SNTB2: variants seen among roughly 807,000 people sequenced by gnomAD.
SNTB2 encodes the protein beta-2-syntrophin.
SNTB2 carries 34 observed loss-of-function variants against 46.2 expected under a neutral mutation model. That is an observed-to-expected ratio of 0.74 (90% CI 0.56 to 0.98). The LOEUF (loss-of-function observed/expected upper bound fraction) is 0.98. SNTB2 is among the 50% of genes least tolerant of loss of function. SNTB2 has a pLI of 0.00. For missense variants in SNTB2, 603 were observed against 731.4 expected (o/e 0.82, Z 2.02); for synonymous variants, 290 against 312.6 (o/e 0.93, Z 0.76).
rs930010425 is a variant in SNTB2 at position 69,307,306 on chromosome 16, C to G, written c.*6382C>G. ...ACTGGAAAATGTTTGAAGGGATACT[C>G]AGGCTTTGATCCATGCCAACATGAA... On this transcript the variant is annotated 3_prime_UTR_variant, in exon 7 of 7. Transcript: ENST00000336278. 1 of 152,186 alleles carries G rather than the reference C, an allele frequency of 6.6e-6. No individual in the cohort carries two copies. Among genetic ancestry groups the G allele is most frequent in the Admixed American group, 6.5e-5 (1 of 15,280 alleles). The allele number at this position is 152,186 out of a possible 1,614,324, so 9.4% of individuals were successfully genotyped here. A position where few individuals can be genotyped will look rare whatever the true frequency, so the allele number is the denominator to read the frequency against.
chr16:69,269,495 G>A (rs1181180239), intron 3 of SNTB2, among the ~76,000 whole-genome samples: 3 of 151,794 alleles, frequency 2.0e-5, no homozygotes, highest in African/African-American at 7.3e-5. Context: ...CCAGCTTGGC[G>A]ACAGAGCAAG....
At chr16:69,212,361 A>G (rs1416914662) in intron 1 of SNTB2, among the ~76,000 whole-genome samples, 1 of 146,230 alleles carries the variant, frequency 6.8e-6, no homozygotes, top group African/African-American at 2.5e-5. Flanking sequence ...TTTATTTTTG[A>G]GACAGAGTCT....
intron 4 of SNTB2, among the ~76,000 whole-genome samples, chr16:69,274,553 T>G (rs1386361118): frequency 6.7e-6 from 1 of 149,712 alleles, no homozygotes; most frequent in Non-Finnish European, 1.5e-5. Flanking sequence ...CTAGGGAGGC[T>G]GAGGCAGGAG....
chr16:69,260,354 T>TAGGACCTGGATA, intron 3 of SNTB2, 94 bp downstream of exon 3: 1 of 1,133,074 alleles, frequency 8.8e-7, no homozygotes, highest in Non-Finnish European at 1.3e-6. Context: ...ACCATGCAGT[T>TAGGACCTGGATA]AGGACCTGGA....
rs74841259 is a variant in SNTB2 at position 69,199,772 on chromosome 16, A to G, written c.580+12026A>G. 7.5e-3 allele frequency among the ~76,000 whole-genome samples: 1,147 copies of G among 152,236 alleles called. 11 individuals carry two copies. The highest frequency in any genetic ancestry group is 0.024 in the African/African-American group (990 of 41,520). ...AAGACTCTCATAATGAAGATTTGCA[A>G]TCTTAATGAAAATTGAAAAAAAAGG... is the stretch of plus-strand genomic sequence containing the variant. On this transcript the variant is annotated intron_variant, in intron 1 of 6. Coordinates refer to ENST00000336278, the MANE Select transcript of SNTB2 (RefSeq NM_006750.4).
chr16:69,262,982 A>G (rs554895725), intron 3 of SNTB2, among the ~76,000 whole-genome samples: 1 of 152,112 alleles, frequency 6.6e-6, no homozygotes, highest in Admixed American at 6.5e-5. Context: ...TATAGTCACC[A>G]TACTATGCAA....
Position 69,187,272 on chromosome 16 carries a change from TG to T in SNTB2, c.109del (p.Val37SerfsTer7). On this transcript the variant is annotated frameshift_variant, in exon 1 of 7. Transcript: ENST00000336278. LOFTEE classifies it high-confidence loss of function. ...GLVELLLRER[W>X]VRVVAELSGE... ...GGTGGAGCTGCTCCTGAGGGAGCGC[TG>T]GGTCCGAGTGGTGGCCGAGCTGAGC... The T allele has an allele frequency of 1.3e-6, 2 of 1,487,714 alleles. No individual in the cohort carries two copies. Among genetic ancestry groups the T allele is most frequent in the Non-Finnish European group, 1.8e-6 (2 of 1,124,876 alleles). 92.2% of individuals were successfully genotyped at this position (1,487,714 alleles called of 1,614,324 possible). A position where few individuals can be genotyped will look rare whatever the true frequency, so the allele number is the denominator to read the frequency against.
chr16:69,198,248 A>G (rs955582471), intron 1 of SNTB2, among the ~76,000 whole-genome samples: 1 of 151,952 alleles, frequency 6.6e-6, no homozygotes, highest in Non-Finnish European at 1.5e-5. Context: ...AGCTGGGACT[A>G]CAGTCCTACA....
intron 1 of SNTB2, among the ~76,000 whole-genome samples, chr16:69,226,810 T>C (rs986259845): frequency 6.6e-6 from 1 of 152,238 alleles, no homozygotes; most frequent in African/African-American, 2.4e-5. Context: ...GGATTACAGG[T>C]GTGAGCCATG....
At chr16:69,254,966 G>T (rs1199270207) in intron 2 of SNTB2, among the ~76,000 whole-genome samples, 1 of 152,072 alleles carries the variant, frequency 6.6e-6, no homozygotes, top group South Asian at 2.1e-4. Context: ...CCAGTAATCT[G>T]TGTCCCTACT....
At chr16:69,263,490 C>G (rs1335531450) in intron 3 of SNTB2, among the ~76,000 whole-genome samples, 1 of 151,062 alleles carries the variant, frequency 6.6e-6, no homozygotes, top group Non-Finnish European at 1.5e-5. Flanking sequence ...ACAATCTTGG[C>G]TCACTACTAT....
chr16:69,289,901 A>C (rs1415345231), intron 5 of SNTB2, among the ~76,000 whole-genome samples: 1 of 152,178 alleles, frequency 6.6e-6, no homozygotes, highest in African/African-American at 2.4e-5. Context: ...CAGTCTGGGC[A>C]ACAGAACAAG....
At chr16:69,259,353 C>T (rs1964811940) in intron 2 of SNTB2, among the ~76,000 whole-genome samples, 2 of 150,192 alleles carry the variant, frequency 1.3e-5, no homozygotes, top group Admixed American at 6.7e-5. Flanking sequence ...CTGCCTCAGC[C>T]TCCCGAGTAG....
Position 69,187,761 on chromosome 16 carries a change from GCGGGAGGGT to G in SNTB2, c.580+16_580+24del. The G allele has an allele frequency of 7.2e-7, 1 of 1,385,012 alleles. No homozygotes were observed. The highest frequency in any genetic ancestry group is 9.4e-7 in the Non-Finnish European group (1 of 1,066,894). 85.8% of individuals were successfully genotyped at this position (1,385,012 alleles called of 1,614,324 possible). The stretch of plus-strand genomic sequence containing the variant: ...GCTGCTGGAGGGTGAGCGGGGCCGG[GCGGGAGGGT>G]GGGCAGGCCGCGGCGGCCTGGGCTC... On this transcript the variant is annotated intron_variant, in intron 1 of 6. Transcript: ENST00000336278.
rs552320531 is a variant in SNTB2, at chr16:69,282,352, C to T, written c.1149-1696C>T. 7.3e-4 allele frequency among the ~76,000 whole-genome samples: 111 copies of T among 151,482 alleles called. 1 individual carries two copies. The highest frequency in any genetic ancestry group is 1.4e-3 in the Non-Finnish European group (98 of 67,894). On this transcript the variant is annotated intron_variant, in intron 4 of 6. Transcript: ENST00000336278. ...AATTACAGACATGAGACACCACTCC[C>T]GGCTTGAATCACCTGTGTTTCTCTG...
intron 1 of SNTB2, among the ~76,000 whole-genome samples, chr16:69,212,752 A>G (rs1377757547): frequency 6.6e-6 from 1 of 152,160 alleles, no homozygotes; most frequent in Admixed American, 6.5e-5. Context: ...CTCCTGCCTC[A>G]GCCTCCTGAG....
At chr16:69,229,972 A>T (rs1299912337) in intron 1 of SNTB2, among the ~76,000 whole-genome samples, 2 of 151,612 alleles carry the variant, frequency 1.3e-5, no homozygotes, top group African/African-American at 2.4e-5. Flanking sequence ...TTTTTTGTAG[A>T]TACATGGTCC....
At chr16:69,206,959 G>C (rs1166503902) in intron 1 of SNTB2, among the ~76,000 whole-genome samples, 6 of 151,552 alleles carry the variant, frequency 4.0e-5, no homozygotes, top group Non-Finnish European at 7.4e-5. Flanking sequence ...TAGAGATGGG[G>C]TTTCACCATG....
intron 1 of SNTB2, among the ~76,000 whole-genome samples, chr16:69,228,703 C>G (rs1964480637): frequency 6.6e-6 from 1 of 152,022 alleles, no homozygotes; most frequent in South Asian, 2.1e-4. Context: ...TGTACATACA[C>G]ACTAAGTATA....
Sources: allele counts gnomAD v4.1 joint callset (sites outside exome capture counted in the v4.1 genomes callset), GRCh38; gene constraint gnomAD v4.1.1; transcripts MANE v1.5; gene names NCBI Gene and HGNC (gene_info 2026-07-23, HGNC 2026-07-21).